The following ALDH1L1 variants were observed in gnomAD, a reference collection of about 807,000 sequenced individuals.
The protein encoded by ALDH1L1 is aldehyde dehydrogenase 1 family member L1, also known as cytosolic 10-formyltetrahydrofolate dehydrogenase.
In ALDH1L1, 68 loss-of-function variants were observed where a neutral mutation model predicts 101.1. The observed-to-expected ratio is 0.67, with a 90% CI of 0.55 to 0.82. The LOEUF is 0.82. ALDH1L1 is among the 40% of genes least tolerant of loss of function. ALDH1L1 has a pLI of 0.00. For missense variants in ALDH1L1, 1,087 were observed against 1,172.7 expected, an observed-to-expected ratio of 0.93 and a Z score of 1.07; for synonymous variants, 486 against 470.8, an observed-to-expected ratio of 1.03 and a Z score of -0.42.
intron 14 of ALDH1L1, chr3:126,128,922 G>C (rs1422620097): frequency 7.8e-6 from 1 of 128,972 alleles, no homozygotes; most frequent in Non-Finnish European, 1.7e-5. Context: ...GGTGGGCCAC[G>C]ACCCGCCCTG....
At chr3:126,172,160 T>C (rs2081290818) in intron 1 of ALDH1L1, among the ~76,000 whole-genome samples, 3 of 152,214 alleles carry the variant, frequency 2.0e-5, no homozygotes, top group Non-Finnish European at 4.4e-5. Flanking sequence ...CCCAATACAT[T>C]ATATCTGATT....
chr3:126,104,427 G>A (rs1287897680), intron 22 of ALDH1L1: 1 of 157,958 alleles, frequency 6.3e-6, no homozygotes, highest in Non-Finnish European at 1.4e-5. Context: ...TGGAAGGCTT[G>A]GCTTGTGGGC....
intron 4 of ALDH1L1, 107 bp downstream of exon 4, chr3:126,157,236 A>G (rs1290268857): frequency 4.3e-6 from 6 of 1,380,702 alleles, no homozygotes; most frequent in Non-Finnish European, 5.8e-6. Context: ...CAGAATCCTG[A>G]ATTTGGGGAA....
Position 126,161,008 on chromosome 3 carries a change from G to A in ALDH1L1, c.-23-6C>T. ...AGCAGGAGGGTTGGAAGGACCTGGA[G>A]AAGGAATAAGGCAGCAATTAGACAG... On this transcript the variant is annotated splice_polypyrimidine_tract_variant and splice_region_variant and intron_variant, in intron 1 of 22. Coordinates refer to ENST00000393434, the MANE Select transcript of ALDH1L1 (RefSeq NM_012190.4). 1 of 1,613,960 alleles carries A rather than the reference G, an allele frequency of 6.2e-7. No homozygotes were observed. Among genetic ancestry groups the A allele is most frequent in the Non-Finnish European group, 8.5e-7 (1 of 1,179,920 alleles).
In ALDH1L1 at chr3:126,130,439, G is replaced by A. The variant is rs2080278512; in HGVS notation, c.1624-146C>T. On this transcript the variant is annotated intron_variant, in intron 13 of 22. Transcript: ENST00000393434. Reference sequence around the variant, plus strand: ...TGAGGCTTGAGAGACAGGCAGGGGGGCAGCCAGAGGGGCAAGGTGTTTGCT... The same window carrying A: ...TGAGGCTTGAGAGACAGGCAGGGGGACAGCCAGAGGGGCAAGGTGTTTGCT... 1.6e-5 allele frequency: 10 copies of A among 610,728 alleles called. No homozygotes were observed. In the South Asian group the frequency reaches 4.1e-4, roughly 25 times the overall value. 37.8% of individuals were successfully genotyped at this position (610,728 alleles called of 1,614,324 possible).
intron 9 of ALDH1L1, among the ~76,000 whole-genome samples, chr3:126,145,237 G>A (rs888753518): frequency 5.9e-5 from 9 of 152,238 alleles, no homozygotes; most frequent in Non-Finnish European, 8.8e-5. Flanking sequence ...TGGGAAAAAT[G>A]GAACCTTTGT....
At chr3:126,124,174 G>A (rs1488746232) in intron 16 of ALDH1L1, among the ~76,000 whole-genome samples, 190 bp downstream of exon 16, 1 of 151,914 alleles carries the variant, frequency 6.6e-6, no homozygotes, top group Non-Finnish European at 1.5e-5. Context: ...TGGGGCATCT[G>A]AAGACGAAAG....
At chr3:126,135,919 C>A (rs79036801) in intron 11 of ALDH1L1, among the ~76,000 whole-genome samples, 1 of 152,126 alleles carries the variant, frequency 6.6e-6, no homozygotes. Context: ...GTGTGCCATC[C>A]GTGCAGGCTC....
chr3:126,153,046 A>G (rs2108284235), intron 7 of ALDH1L1: 1 of 316,124 alleles, frequency 3.2e-6, no homozygotes, highest in Admixed American at 4.5e-5. Flanking sequence ...CCGTTCAAAG[A>G]GATGGGAGCT....
rs779546954 is a variant in ALDH1L1 at position 126,131,472 on chromosome 3, C to T, written c.1535G>A (p.Gly512Asp). The change falls in exon 13 of 23, where the codon GGT (glycine) becomes GAT (aspartate). Residue 512 changes from glycine (G) to aspartate (D), a missense_variant. Coordinates refer to ENST00000393434, the MANE Select transcript of ALDH1L1 (RefSeq NM_012190.4). ...CTTCAGGGCCAGCGTGTAGACGGCACCCGCATCCAGGGCCTCAATGGTGGC... is the reference window on the plus strand; with the variant it reads ...CTTCAGGGCCAGCGTGTAGACGGCATCCGCATCCAGGGCCTCAATGGTGGC... ...ELATIEALDA[G>D]AVYTLALKTH... 3 of 1,613,314 alleles carry T rather than the reference C, an allele frequency of 1.9e-6. No individual in the cohort carries two copies. Among genetic ancestry groups the T allele is most frequent in the South Asian group, 1.1e-5 (1 of 91,024 alleles).
intron 2 of ALDH1L1, 39 bp from the exon 3 acceptor site, chr3:126,158,678 A>T (rs762534335): frequency 4.4e-6 from 7 of 1,580,016 alleles, no homozygotes; most frequent in Admixed American, 3.4e-5. Context: ...CCTCTCCATA[A>T]CCCACCCACA....
intron 14 of ALDH1L1, among the ~76,000 whole-genome samples, chr3:126,127,877 G>A (rs2080220886): frequency 6.6e-6 from 1 of 152,272 alleles, no homozygotes; most frequent in Non-Finnish European, 1.5e-5. Flanking sequence ...GGCAGCATCA[G>A]TCTGAATGCT....
At chr3:126,138,254 C>T (rs1014345651) in intron 9 of ALDH1L1, among the ~76,000 whole-genome samples, 4 of 152,094 alleles carry the variant, frequency 2.6e-5, no homozygotes, top group African/African-American at 7.2e-5. Context: ...TGCTATTTTG[C>T]GATGAGTAAA....
chr3:126,137,194 A>G (rs552403947), intron 10 of ALDH1L1, among the ~76,000 whole-genome samples: 105 of 152,272 alleles, frequency 6.9e-4, no homozygotes, highest in African/African-American at 2.4e-3. Flanking sequence ...AGCCCCAGAC[A>G]TGCTACAACC....
chr3:126,164,562 T>C (rs2081126957), intron 1 of ALDH1L1, among the ~76,000 whole-genome samples: 1 of 152,232 alleles, frequency 6.6e-6, no homozygotes, highest in Admixed American at 6.5e-5. Flanking sequence ...TTCACTCCTT[T>C]TTATGGTTGT....
intron 17 of ALDH1L1, chr3:126,115,325 G>C (rs1189577392): frequency 9.1e-6 from 3 of 328,546 alleles, no homozygotes; most frequent in Non-Finnish European, 1.8e-5. Flanking sequence ...CCGGCAGGTA[G>C]GAGGCTCCAC....
chr3:126,137,872 G>A lies in ALDH1L1; in HGVS notation c.1165C>T (p.Gln389Ter). Residue 389 changes from glutamine to a stop codon, truncating the protein, a stop_gained, in exon 10 of 23, where the codon CAG becomes TAG. Transcript: ENST00000393434. LOFTEE classifies it high-confidence loss of function. ...YMASTFGDFI[Q>*]LLVRKLRGDD... ...CCTCGCAGCTTCCTCACTAACAGCT[G>A]GATGAAGTCCCCAAAGGTGGATGCC... 6.2e-7 allele frequency: 1 copy of A among 1,614,158 alleles called. No individual in the cohort carries two copies. Among genetic ancestry groups the A allele is most frequent in the Non-Finnish European group, 8.5e-7 (1 of 1,180,026 alleles).
rs894432838 is a variant in ALDH1L1, at chr3:126,130,405, G to A, written c.1624-112C>T. ...GGAGGAAGTCAAAGCGACCAGCTTA[G>A]GTGTGACCTGAGGCTTGAGAGACAG... is the stretch of plus-strand genomic sequence containing the variant. On this transcript the variant is annotated intron_variant, in intron 13 of 22. Coordinates refer to ENST00000393434, the MANE Select transcript of ALDH1L1 (RefSeq NM_012190.4). 3 of 904,042 alleles carry A rather than the reference G, an allele frequency of 3.3e-6. No homozygotes were observed. In the African/African-American group the frequency reaches 5.2e-5, roughly 16 times the overall value. The allele number at this position is 904,042 out of a possible 1,614,324, so 56.0% of individuals were successfully genotyped here. A position where few individuals can be genotyped will look rare whatever the true frequency, so the allele number is the denominator to read the frequency against.
At chr3:126,169,897 G>A (rs1450504894) in intron 1 of ALDH1L1, among the ~76,000 whole-genome samples, 1 of 152,096 alleles carries the variant, frequency 6.6e-6, no homozygotes, top group Non-Finnish European at 1.5e-5. Context: ...TAGCACACCT[G>A]TTGTTAAATT....
Sources: allele counts gnomAD v4.1 joint callset (sites outside exome capture counted in the v4.1 genomes callset), GRCh38; gene constraint gnomAD v4.1.1; transcripts MANE v1.5; gene names NCBI Gene and HGNC (gene_info 2026-07-23, HGNC 2026-07-21).